The following NPAT variants were observed in gnomAD, a reference collection of about 807,000 sequenced individuals.
NPAT encodes protein NPAT.
NPAT carries 52 observed loss-of-function variants against 130.7 expected under a neutral mutation model. That is an observed-to-expected ratio of 0.40 (90% CI 0.32 to 0.50). NPAT has a LOEUF of 0.50. Among genes scored for constraint, NPAT ranks in the 20% least tolerant of loss-of-function variants. The probability of loss-of-function intolerance (pLI) is 0.68; values close to 1 mark genes in which losing one functional copy is unlikely to be tolerated. For missense variants in NPAT, 1,687 were observed against 1,662.6 expected (o/e 1.01, Z -0.26); for synonymous variants, 580 against 584.8 (o/e 0.99, Z 0.12).
chr11:108,172,628 G>C lies in NPAT; in HGVS notation c.2356C>G (p.Leu786Val), dbSNP rs1454878586. ...PTKSPTKNAELVKCLSSEETV... is the reference protein window; with the variant it reads ...PTKSPTKNAEVVKCLSSEETV... ...TCTTCTGAAGATAGGCATTTAACTA[G>C]TTCTGCATTTTTAGTAGGTGATTTA... The change falls in exon 13 of 18, where the codon CTA (leucine) becomes GTA (valine). Residue 786 changes from leucine (L) to valine (V), a missense_variant. Physicochemically the swap from Leu to Val is conservative, Grantham distance 32. Transcript: ENST00000278612. 1.9e-6 allele frequency: 3 copies of C among 1,614,130 alleles called. No individual in the cohort carries two copies. The East Asian group carries it at 6.7e-5, about 36-fold the overall frequency.
At chr11:108,178,094 A>T (rs2078025899) in intron 10 of NPAT, among the ~76,000 whole-genome samples, 1 of 152,132 alleles carries the variant, frequency 6.6e-6, no homozygotes, top group Admixed American at 6.5e-5. Flanking sequence ...CCTTCAATAT[A>T]AATCTATTTT....
At position 108,215,195 on chromosome 11, in the gene NPAT, C is replaced by A. The variant is rs546317074; in HGVS notation, c.37+7305G>T. On this transcript the variant is annotated intron_variant, in intron 1 of 17. Transcript: ENST00000278612. ...CCCTATTCCCTACTATTAAATATTC[C>A]CTTATAGGTATTACTTAATACTTAT... 7.2e-5 allele frequency among the ~76,000 whole-genome samples: 11 copies of A among 152,238 alleles called. No individual in the cohort carries two copies. In the South Asian group the frequency reaches 2.3e-3, roughly 32 times the overall value.
chr11:108,211,540 C>T (rs1442684143), intron 1 of NPAT, among the ~76,000 whole-genome samples: 1 of 144,552 alleles, frequency 6.9e-6, no homozygotes, highest in Non-Finnish European at 1.5e-5. Flanking sequence ...GAGACCCTGT[C>T]TTCAGGAAAA....
rs76572922 is a variant in NPAT at position 108,161,719 on chromosome 11, G to A, written c.3367C>T (p.Pro1123Ser). 2.7e-5 allele frequency: 44 copies of A among 1,613,774 alleles called. No homozygotes were observed. The African/African-American group carries it at 4.7e-4, about 17-fold the overall frequency. The change falls in exon 17 of 18, where the codon CCT becomes TCT. Residue 1123 changes from proline to serine, a missense_variant. Transcript: ENST00000278612. ...GATTTAGATAAAATCTTAGGCAGAG[G>A]AGGCTTCTCTTTCTCTCTTTTGATA... ...NAIKREKEKP[P>S]LPKILSKSES...
chr11:108,190,890 T>C (rs551175259), intron 4 of NPAT, among the ~76,000 whole-genome samples: 22 of 152,196 alleles, frequency 1.4e-4, no homozygotes, highest in African/African-American at 4.8e-4. Context: ...CTGAGCAACA[T>C]AGCAAGACTC....
intron 12 of NPAT, 70 bp from the exon 13 acceptor site, chr11:108,173,921 T>G: frequency 1.5e-6 from 2 of 1,376,970 alleles, no homozygotes; most frequent in South Asian, 2.3e-5. Context: ...ATTTTTGCCA[T>G]AAAACTTATT....
chr11:108,207,353 T>C (rs2078338614), intron 1 of NPAT, among the ~76,000 whole-genome samples: 1 of 152,232 alleles, frequency 6.6e-6, no homozygotes, highest in South Asian at 2.1e-4. Flanking sequence ...GTCTCTGGCT[T>C]GAAGGTGTGG....
At chr11:108,167,662 C>T (rs975618471) in intron 15 of NPAT, among the ~76,000 whole-genome samples, 1 of 152,186 alleles carries the variant, frequency 6.6e-6, no homozygotes, top group African/African-American at 2.4e-5. Context: ...TTATTACATA[C>T]AGGGTGGGAA....
chr11:108,211,547 A>C (rs776726526), intron 1 of NPAT, among the ~76,000 whole-genome samples: 6 of 129,034 alleles, frequency 4.6e-5, no homozygotes, highest in African/African-American at 2.0e-4. Flanking sequence ...TGTCTTCAGG[A>C]AAAAAAAAAA....
In NPAT at chr11:108,161,740, T is replaced by G. The variant is rs370946900; in HGVS notation, c.3346A>C (p.Lys1116Gln). 1 of 1,613,738 alleles carries G rather than the reference T, an allele frequency of 6.2e-7. No individual in the cohort carries two copies. Among genetic ancestry groups the G allele is most frequent in the Non-Finnish European group, 8.5e-7 (1 of 1,180,044 alleles). Residue 1116 changes from lysine to glutamine, a missense_variant, in exon 17 of 18, where the codon AAA becomes CAA. By Grantham distance (53) the Lys-to-Gln change is moderately conservative (BLOSUM62 1). Coordinates refer to ENST00000278612, the MANE Select transcript of NPAT (RefSeq NM_002519.3). ...TLKPPSNNAI[K>Q]REKEKPPLPK... Reference sequence around the variant, plus strand: ...AGAGGAGGCTTCTCTTTCTCTCTTTTGATAGCATTATTAGAAGGGGGTTTT... The same window carrying G: ...AGAGGAGGCTTCTCTTTCTCTCTTTGGATAGCATTATTAGAAGGGGGTTTT...
Position 108,172,636 on chromosome 11 carries a change from T to C in NPAT, c.2348A>G (p.Asn783Ser). 6.2e-7 allele frequency: 1 copy of C among 1,614,176 alleles called. No individual in the cohort carries two copies. Among genetic ancestry groups the C allele is most frequent in the Non-Finnish European group, 8.5e-7 (1 of 1,180,026 alleles). Residue 783 changes from asparagine to serine, a missense_variant, in exon 13 of 18, where the codon AAT (asparagine) becomes AGT (serine). Transcript: ENST00000278612. ...AGATAGGCATTTAACTAGTTCTGCA[T>C]TTTTAGTAGGTGATTTAGTAGGAGA... ...LSSPTKSPTK[N>S]AELVKCLSSE...
chr11:108,162,110 T>C lies in NPAT; in HGVS notation c.3071+10A>G. On this transcript the variant is annotated intron_variant, in intron 16 of 17. Transcript: ENST00000278612. The stretch of plus-strand genomic sequence containing the variant: ...CAAACAATCTATGATAGAAACTACT[T>C]TATACTCACTTTTGTGCATGACATC... 1 of 1,613,576 alleles carries C rather than the reference T, an allele frequency of 6.2e-7. No homozygotes were observed. The highest frequency in any genetic ancestry group is 8.5e-7 in the Non-Finnish European group (1 of 1,179,468).
At chr11:108,164,194 G>A (rs1365976372) in intron 15 of NPAT, among the ~76,000 whole-genome samples, 6 of 152,216 alleles carry the variant, frequency 3.9e-5, no homozygotes, top group African/African-American at 1.4e-4. Context: ...TTTGAGACGT[G>A]TTGTGCAAGA....
chr11:108,202,080 G>C (rs745811249), intron 1 of NPAT, among the ~76,000 whole-genome samples: 7 of 152,114 alleles, frequency 4.6e-5, no homozygotes, highest in Non-Finnish European at 8.8e-5. Context: ...CCCTCACAAA[G>C]GTGCTTGAAT....
intron 17 of NPAT, 151 bp from the exon 18 acceptor site, chr11:108,159,170 T>C (rs142302335): frequency 5.1e-6 from 3 of 592,760 alleles, no homozygotes; most frequent in Non-Finnish European, 9.0e-6. Flanking sequence ...TATAGAGAAG[T>C]AGAGACAAGT....
rs2078529041 is a variant in NPAT at position 108,222,374 on chromosome 11, T to C, written c.37+126A>G. ...CCGAATGACGAAGAATCACCGCCAGTCTCAACTCGTAAGCTGGGAGGCAAA... is the reference window on the plus strand; with the variant it reads ...CCGAATGACGAAGAATCACCGCCAGCCTCAACTCGTAAGCTGGGAGGCAAA... On this transcript the variant is annotated intron_variant, in intron 1 of 17. Transcript: ENST00000278612. The C allele has an allele frequency of 6.3e-6, 6 of 956,118 alleles. No individual in the cohort carries two copies. In the East Asian group the frequency reaches 1.3e-4, roughly 21 times the overall value. 59.2% of individuals were successfully genotyped at this position (956,118 alleles called of 1,614,324 possible).
chr11:108,205,013 C>G (rs1189182530), intron 1 of NPAT, among the ~76,000 whole-genome samples: 1 of 152,192 alleles, frequency 6.6e-6, no homozygotes, highest in African/African-American at 2.4e-5. Context: ...GCTCAACAGT[C>G]TCTAAGTAGG....
chr11:108,220,185 C>T (rs957449299), intron 1 of NPAT, among the ~76,000 whole-genome samples: 2 of 152,162 alleles, frequency 1.3e-5, no homozygotes, highest in African/African-American at 2.4e-5. Context: ...TTCTGGCCCA[C>T]ACAACATTTT....
intron 1 of NPAT, among the ~76,000 whole-genome samples, chr11:108,202,911 A>C (rs1168168990): frequency 6.6e-6 from 1 of 152,074 alleles, no homozygotes; most frequent in Non-Finnish European, 1.5e-5. Flanking sequence ...TTCGTTTTGC[A>C]CTTCCTAAAC....
Sources: gnomAD v4.1 joint callset for allele counts (sites outside exome capture counted in the v4.1 genomes callset) on GRCh38, gnomAD v4.1.1 for gene constraint, MANE v1.5 for transcripts, NCBI Gene and HGNC (gene_info 2026-07-23, HGNC 2026-07-21) for gene names.